Variants in NRXN3 observed in about 807,000 individuals in gnomAD.
NRXN3 encodes neurexin III.
In NRXN3, 32 loss-of-function variants were observed where a neutral mutation model predicts 137.6. The ratio of observed to expected loss-of-function variants is 0.23; its 90% CI spans 0.18 to 0.31. The LOEUF is 0.31. Ranked by LOEUF, NRXN3 falls within the 10% of genes least tolerant of loss-of-function variation. The pLI is 1.00. For synonymous variants in NRXN3, 798 were observed against 784.5 expected (o/e 1.02, Z -0.29); for missense variants, 1,574 against 2,062.5 (o/e 0.76, Z 4.59).
chr14:79,056,189 A>G (rs190855633), intron 15 of NRXN3, among the ~76,000 whole-genome samples: 1 of 152,326 alleles, frequency 6.6e-6, no homozygotes, highest in Admixed American at 6.5e-5. Context: ...GCAAGGGTGC[A>G]TAGGAATAGC....
intron 4 of NRXN3, among the ~76,000 whole-genome samples, chr14:78,366,187 C>G (rs1415181173): frequency 6.6e-6 from 1 of 152,132 alleles, no homozygotes; most frequent in African/African-American, 2.4e-5. Context: ...AGACTCAGCT[C>G]TCAGTAAAAG....
intron 19 of NRXN3, among the ~76,000 whole-genome samples, chr14:79,787,708 T>C (rs946595918): frequency 9.2e-5 from 14 of 152,198 alleles, no homozygotes; most frequent in East Asian, 3.8e-4. Flanking sequence ...TCCATCCACA[T>C]TGTTCCAAGT....
chr14:79,334,094 A>G (rs2092036356), intron 15 of NRXN3, among the ~76,000 whole-genome samples: 1 of 152,194 alleles, frequency 6.6e-6, no homozygotes, highest in South Asian at 2.1e-4. Flanking sequence ...AATGCCTACT[A>G]TGTCCTAGGC....
chr14:79,146,404 G>A (rs2059306291), intron 15 of NRXN3, among the ~76,000 whole-genome samples: 1 of 152,094 alleles, frequency 6.6e-6, no homozygotes, highest in South Asian at 2.1e-4. Context: ...GGGTGTTCTA[G>A]GTAGGATAGT....
chr14:79,775,166 C>A (rs2099092796), intron 19 of NRXN3, among the ~76,000 whole-genome samples: 1 of 152,070 alleles, frequency 6.6e-6, no homozygotes, highest in Non-Finnish European at 1.5e-5. Flanking sequence ...AATGTCACAA[C>A]CAGCTACATT....
intron 10 of NRXN3, among the ~76,000 whole-genome samples, chr14:78,950,668 G>A (rs2099385392): frequency 6.6e-6 from 1 of 151,962 alleles, no homozygotes; most frequent in Non-Finnish European, 1.5e-5. Flanking sequence ...AAAAAAGGAA[G>A]GAAGGAAGGG....
At chr14:78,264,273 C>A (rs2071316629) in intron 2 of NRXN3, among the ~76,000 whole-genome samples, 1 of 152,086 alleles carries the variant, frequency 6.6e-6, no homozygotes, top group African/African-American at 2.4e-5. Context: ...CTTCTGCTTC[C>A]CAACCCCTCT....
chr14:79,716,702 C>A (rs1395431594), intron 19 of NRXN3, among the ~76,000 whole-genome samples: 2 of 152,088 alleles, frequency 1.3e-5, no homozygotes, highest in African/African-American at 4.8e-5. Context: ...CAATTCAATT[C>A]ACAGATGTCA....
chr14:79,249,078 C>G (rs772799032), intron 15 of NRXN3: 3 of 152,106 alleles, frequency 2.0e-5, no homozygotes, highest in African/African-American at 4.8e-5. Context: ...GAGGTGATCT[C>G]CTGGTGAGAG....
At chr14:79,280,414 C>T in intron 15 of NRXN3, 1 of 1,614,070 alleles carries the variant, frequency 6.2e-7, no homozygotes, top group Non-Finnish European at 8.5e-7. Flanking sequence ...ATGTAGCTTC[C>T]TCCTCCTCCA....
At chr14:78,278,325 C>G (rs1415677900) in intron 2 of NRXN3, among the ~76,000 whole-genome samples, 1 of 152,166 alleles carries the variant, frequency 6.6e-6, no homozygotes, top group Non-Finnish European at 1.5e-5. Context: ...AACCAATATT[C>G]TTGCAGGATT....
chr14:79,711,322 T>C (rs999504507), intron 19 of NRXN3, among the ~76,000 whole-genome samples: 26 of 152,182 alleles, frequency 1.7e-4, no homozygotes, highest in Non-Finnish European at 3.8e-4. Context: ...ACTAGTTTCA[T>C]TGCTCAAAGC....
At chr14:78,973,141 T>TG (rs995735119) in intron 14 of NRXN3, among the ~76,000 whole-genome samples, 4 of 152,172 alleles carry the variant, frequency 2.6e-5, no homozygotes, top group African/African-American at 9.7e-5. Context: ...GATTCCATTT[T>TG]GGGGGGTACC....
intron 15 of NRXN3, among the ~76,000 whole-genome samples, chr14:79,307,593 T>A (rs990055770): frequency 6.6e-6 from 1 of 152,136 alleles, no homozygotes; most frequent in African/African-American, 2.4e-5. Flanking sequence ...CTGCAGTCAG[T>A]CACCTGAAGC....
chr14:78,861,075 G>A (rs548153192), intron 10 of NRXN3, among the ~76,000 whole-genome samples: 1 of 140,162 alleles, frequency 7.1e-6, no homozygotes, highest in African/African-American at 3.2e-5. Context: ...TATATTACCA[G>A]GTATAGTCCT....
At chr14:79,792,559 A>G (rs2099148550) in intron 19 of NRXN3, among the ~76,000 whole-genome samples, 1 of 152,238 alleles carries the variant, frequency 6.6e-6, no homozygotes, top group South Asian at 2.1e-4. Context: ...CTAAATAAAG[A>G]TGCTTAGATT....
intron 1 of NRXN3, among the ~76,000 whole-genome samples, 170 bp downstream of exon 1, chr14:78,170,844 T>G (rs56101232): frequency 6.6e-6 from 1 of 152,180 alleles, no homozygotes; most frequent in African/African-American, 2.4e-5. Flanking sequence ...ACTGTGGAAA[T>G]GGCTTTTCAA....
intron 6 of NRXN3, among the ~76,000 whole-genome samples, chr14:78,671,770 A>T (rs1043900288): frequency 6.6e-6 from 1 of 152,336 alleles, no homozygotes; most frequent in African/African-American, 2.4e-5. Flanking sequence ...CCATCTATTT[A>T]TCATAATACA....
At chr14:79,228,144 C>G (rs1274730358) in intron 15 of NRXN3, among the ~76,000 whole-genome samples, 1 of 152,004 alleles carries the variant, frequency 6.6e-6, no homozygotes, top group Non-Finnish European at 1.5e-5. Context: ...TTTAATGGAA[C>G]TGATGTTAGT....
Sources: allele counts gnomAD v4.1 joint callset (sites outside exome capture counted in the v4.1 genomes callset), GRCh38; gene constraint gnomAD v4.1.1; transcripts MANE v1.5; gene names NCBI Gene and HGNC (gene_info 2026-07-23, HGNC 2026-07-21).